Variants in SH3D19 observed in about 807,000 individuals in gnomAD.
SH3D19 encodes the protein SH3 domain containing 19, also known as SH3 domain-containing protein 19.
SH3D19 carries 58 observed loss-of-function variants against 112.1 expected under a neutral mutation model. That is an observed-to-expected ratio of 0.52 (90% CI 0.42 to 0.64). SH3D19 has a LOEUF of 0.64. Among genes scored for constraint, SH3D19 ranks in the 30% least tolerant of loss-of-function variants. The pLI is 0.00. For synonymous variants in SH3D19, 391 were observed against 448.5 expected (o/e 0.87, Z 1.62); for missense variants, 1,090 against 1,263.4 (o/e 0.86, Z 2.08).
At chr4:151,252,161 A>G (rs929005370) in intron 1 of SH3D19, among the ~76,000 whole-genome samples, 4 of 152,082 alleles carry the variant, frequency 2.6e-5, no homozygotes, top group Non-Finnish European at 5.9e-5. Flanking sequence ...TGTGTCATCA[A>G]TTTCCTCCTC....
At chr4:151,222,667 C>CTTTTTTT (rs1554057762) in intron 2 of SH3D19, among the ~76,000 whole-genome samples, 2 of 87,240 alleles carry the variant, frequency 2.3e-5, no homozygotes, top group African/African-American at 8.9e-5. Context: ...CTCTCTCTCT[C>CTTTTTTT]TTTTTTTTTT....
In SH3D19 at chr4:151,174,929, C is replaced by T. The variant is rs1010314442; in HGVS notation, c.1275G>A (p.Leu425=). The T allele has an allele frequency of 6.2e-7, 1 of 1,613,804 alleles. No individual in the cohort carries two copies. The change falls in exon 7 of 20, where the codon CTG becomes CTA. Residue 425 remains leucine (L), a synonymous_variant. Transcript: ENST00000604030. ...VPTPAPRPLL[L]KKSVSSENPT... is the part of the protein sequence containing the mutation. ...GGTTTTCTGAGGAAACAGATTTCTT[C>T]AGCAGCAAAGGCCGCGGGGCAGGAG... is the stretch of plus-strand genomic sequence containing the variant.
chr4:151,194,095 G>A (rs534821231), intron 2 of SH3D19, among the ~76,000 whole-genome samples: 9 of 139,188 alleles, frequency 6.5e-5, no homozygotes, highest in Non-Finnish European at 9.0e-5. Context: ...GCATGATCTC[G>A]GCTTACTGCA....
chr4:151,220,398 A>G (rs1185239113), intron 2 of SH3D19, among the ~76,000 whole-genome samples: 4 of 152,230 alleles, frequency 2.6e-5, no homozygotes, highest in Non-Finnish European at 5.9e-5. Flanking sequence ...AAATAGATTT[A>G]AGGTTCTTTG....
Position 151,174,997 on chromosome 4 carries a change from C to T in SH3D19, c.1207G>A (p.Gly403Arg). Residue 403 changes from glycine to arginine, a missense_variant, in exon 7 of 20, where the codon GGG becomes AGG. Physicochemically the swap from Gly to Arg is moderately radical, Grantham distance 125. Transcript: ENST00000604030. ...CTATCAGAGCTCTCAGCCAGGGGCCCTCTTCCCGGAATCTCAGGATTAACA... is the reference window on the plus strand; with the variant it reads ...CTATCAGAGCTCTCAGCCAGGGGCCTTCTTCCCGGAATCTCAGGATTAACA... ...RSVNPEIPGR[G>R]PLAESSDSGK... The T allele has an allele frequency of 6.2e-7, 1 of 1,614,210 alleles. No individual in the cohort carries two copies.
chr4:151,198,786 T>G (rs1428852386), intron 2 of SH3D19, among the ~76,000 whole-genome samples: 2 of 152,220 alleles, frequency 1.3e-5, no homozygotes, highest in Non-Finnish European at 2.9e-5. Context: ...ACTGAGTCTT[T>G]CAAAAATAGG....
intron 1 of SH3D19, among the ~76,000 whole-genome samples, chr4:151,265,691 C>T (rs528727792): frequency 5.3e-5 from 8 of 151,016 alleles, no homozygotes; most frequent in East Asian, 2.0e-4. Flanking sequence ...ATTCTCATGC[C>T]TCAGCCTCCG....
At chr4:151,248,123 T>TTTTG (rs571696394) in intron 1 of SH3D19, among the ~76,000 whole-genome samples, 1 of 133,978 alleles carries the variant, frequency 7.5e-6, no homozygotes, top group African/African-American at 2.6e-5. Flanking sequence ...ACTTTTTTTT[T>TTTTG]TTTGTTTGTT....
intron 2 of SH3D19, among the ~76,000 whole-genome samples, chr4:151,223,901 T>A (rs1055184717): frequency 6.6e-6 from 1 of 152,172 alleles, no homozygotes; most frequent in Non-Finnish European, 1.5e-5. Context: ...GGGTTGGGCA[T>A]GGGATTCTGT....
At chr4:151,211,577 T>TA (rs36073560) in intron 2 of SH3D19, among the ~76,000 whole-genome samples, 98,062 of 141,748 alleles carry the variant, frequency 0.69, 37,604 homozygotes, top group Non-Finnish European at 0.87. Context: ...ATCTGTTAAT[T>TA]AAAAAAAAAA....
chr4:151,309,618 T>C (rs1363007810), intron 1 of SH3D19, among the ~76,000 whole-genome samples: 1 of 152,204 alleles, frequency 6.6e-6, no homozygotes, highest in African/African-American at 2.4e-5. Flanking sequence ...AAGGTACTCA[T>C]TACTAACCAT....
At chr4:151,196,015 G>A (rs10776522) in intron 2 of SH3D19, among the ~76,000 whole-genome samples, 105,437 of 151,818 alleles carry the variant, frequency 0.69, 41,678 homozygotes, top group Non-Finnish European at 0.89. Flanking sequence ...ACATCCCTTC[G>A]GACACTTCCT....
At chr4:151,238,725 G>A (rs914077869) in intron 1 of SH3D19, among the ~76,000 whole-genome samples, 1 of 151,800 alleles carries the variant, frequency 6.6e-6, no homozygotes, top group African/African-American at 2.4e-5. Flanking sequence ...GGGCAGTCTT[G>A]GTCTCTAATG....
At chr4:151,168,857 G>A (rs1758557496) in intron 7 of SH3D19, among the ~76,000 whole-genome samples, 1 of 152,126 alleles carries the variant, frequency 6.6e-6, no homozygotes, top group Non-Finnish European at 1.5e-5. Flanking sequence ...AGCATGTAAT[G>A]ACTTAAATTG....
intron 1 of SH3D19, among the ~76,000 whole-genome samples, chr4:151,240,097 G>A (rs1356167035): frequency 3.2e-5 from 3 of 94,612 alleles, no homozygotes; most frequent in African/African-American, 3.0e-5. Context: ...AGATCCTATC[G>A]CTACCAAAAG....
intron 1 of SH3D19, among the ~76,000 whole-genome samples, chr4:151,315,193 C>T (rs1173254265): frequency 6.6e-6 from 1 of 152,138 alleles, no homozygotes; most frequent in East Asian, 1.9e-4. Flanking sequence ...CCTCAGGTTC[C>T]TCATCTGTTA....
chr4:151,167,999 ATTAAACT>A (rs1758396102), intron 7 of SH3D19, among the ~76,000 whole-genome samples: 1 of 152,218 alleles, frequency 6.6e-6, no homozygotes, highest in African/African-American at 2.4e-5. Context: ...CATTTTCAAC[ATTAAACT>A]TTACTTTTTA....
intron 1 of SH3D19, among the ~76,000 whole-genome samples, chr4:151,241,309 A>C (rs1388100187): frequency 2.0e-5 from 3 of 151,776 alleles, no homozygotes; most frequent in Admixed American, 6.6e-5. Context: ...AAATACGTAA[A>C]TAAATAAGTA....
At chr4:151,280,860 T>A (rs955277000) in intron 1 of SH3D19, among the ~76,000 whole-genome samples, 3 of 151,886 alleles carry the variant, frequency 2.0e-5, no homozygotes, top group Admixed American at 6.6e-5. Context: ...CTAAAAAAAA[T>A]TTATTTCCAA....
Sources: gnomAD v4.1 joint callset for allele counts (sites outside exome capture counted in the v4.1 genomes callset) on GRCh38, gnomAD v4.1.1 for gene constraint, MANE v1.5 for transcripts, NCBI Gene and HGNC (gene_info 2026-07-23, HGNC 2026-07-21) for gene names.